Variants in ACSL4 observed in about 807,000 individuals in gnomAD.
The protein encoded by ACSL4 is acyl-CoA synthetase long chain family member 4, also known as long-chain-fatty-acid--CoA ligase 4.
ACSL4 carries 9 observed loss-of-function variants against 49.1 expected under a neutral mutation model. The observed-to-expected ratio is 0.18, with a 90% CI of 0.11 to 0.32. The LOEUF is 0.32. Ranked by LOEUF, ACSL4 falls within the 10% of genes least tolerant of loss-of-function variation. The pLI, the probability that ACSL4 is intolerant of heterozygous loss-of-function variation, is 1.00. For synonymous variants in ACSL4, 191 were observed against 170.3 expected, an observed-to-expected ratio of 1.12 and a Z score of -0.95; for missense variants, 333 against 493.7, an observed-to-expected ratio of 0.67 and a Z score of 3.08.
intron 11 of ACSL4, 82 bp from the exon 12 acceptor site, chrX:109,665,576 C>T: frequency 2.4e-6 from 2 of 842,159 alleles, no homozygotes; most frequent in African/African-American, 4.0e-5. Flanking sequence ...AGAGTTAGAA[C>T]CAGAGTCAGA....
intron 1 of ACSL4, among the ~76,000 whole-genome samples, chrX:109,696,691 A>G (rs1320661751): frequency 8.9e-6 from 1 of 112,641 alleles, no homozygotes; most frequent in East Asian, 2.8e-4. Context: ...AAACCTAAAT[A>G]TATTTCCATC....
intron 1 of ACSL4, among the ~76,000 whole-genome samples, chrX:109,710,484 A>C (rs1029914197): frequency 8.9e-6 from 1 of 112,258 alleles, no homozygotes; most frequent in Non-Finnish European, 1.9e-5. Context: ...TGCAACATTT[A>C]TAATCCAATT....
At chrX:109,667,191 CA>C (rs2147404216) in intron 11 of ACSL4, among the ~76,000 whole-genome samples, 1 of 111,730 alleles carries the variant, frequency 9.0e-6, no homozygotes, top group South Asian at 3.7e-4. Context: ...TAAGATTATC[CA>C]AAAAAACAAT....
At chrX:109,655,508 T>G (rs1393438470) in intron 15 of ACSL4, among the ~76,000 whole-genome samples, 1 of 110,327 alleles carries the variant, frequency 9.1e-6, no homozygotes, top group Non-Finnish European at 1.9e-5. Context: ...ATAATAAAAT[T>G]AGAGGATGAA....
rs148205499 is a variant in ACSL4 at position 109,663,400 on chromosome X, C to T, written c.1393G>A (p.Gly465Ser). The T allele has an allele frequency of 1.4e-5, 17 of 1,203,498 alleles. No homozygotes were observed. Among genetic ancestry groups the T allele is most frequent in the Non-Finnish European group, 1.8e-5 (16 of 889,564 alleles). ...TTTGGCTTGTCATTAATTGTATAAC[C>T]GCCTGGAAATCATAAAAGTAAATTA... ...EIKLKDWQEG[G>S]YTINDKPNPR... The change falls in exon 13 of 16, where the codon GGT becomes AGT. Residue 465 changes from glycine (G) to serine (S), a missense_variant and splice_region_variant. Physicochemically the swap from Gly to Ser is moderately conservative, Grantham distance 56 (BLOSUM62 0). Coordinates refer to ENST00000672401, the MANE Select transcript of ACSL4 (RefSeq NM_001318510.2).
intron 15 of ACSL4, among the ~76,000 whole-genome samples, chrX:109,657,899 T>C (rs1261756214): frequency 1.8e-5 from 2 of 111,854 alleles, no homozygotes; most frequent in Non-Finnish European, 3.8e-5. Context: ...GACTTTTTAA[T>C]GATTGCCATT....
In ACSL4 at chrX:109,641,989, A is replaced by T. The variant is rs1245451745; in HGVS notation, c.*2040T>A. The T allele has an allele frequency of 8.9e-6, 1 of 112,017 alleles. No homozygotes were observed. Among genetic ancestry groups the T allele is most frequent in the East Asian group, 2.8e-4 (1 of 3,603 alleles). The allele number at this position is 112,017 out of a possible 1,213,427, so 9.2% of individuals were successfully genotyped here. On this transcript the variant is annotated 3_prime_UTR_variant, in exon 16 of 16. Transcript: ENST00000672401. ...TAAACATGTATATTTTTAGATGGAA[A>T]ATCAAGGGGTAGTGGCATCTCCCTG...
chrX:109,689,891 C>T (rs1924914433), intron 2 of ACSL4, among the ~76,000 whole-genome samples: 1 of 111,893 alleles, frequency 8.9e-6, no homozygotes, highest in African/African-American at 3.3e-5. Flanking sequence ...TGGAACAGTG[C>T]CTCCGTGTGT....
At chrX:109,661,354 G>A (rs939836833) in intron 14 of ACSL4, among the ~76,000 whole-genome samples, 177 bp downstream of exon 14, 3 of 111,867 alleles carry the variant, frequency 2.7e-5, no homozygotes, top group Non-Finnish European at 5.7e-5. Context: ...ACACGTCTGA[G>A]TTATCTAAAA....
At chrX:109,720,189 G>C (rs1444306993) in intron 1 of ACSL4, among the ~76,000 whole-genome samples, 2 of 109,076 alleles carry the variant, frequency 1.8e-5, no homozygotes, top group Non-Finnish European at 3.8e-5. Context: ...AATTAGCTGG[G>C]CGTGGTGGCA....
chrX:109,706,277 G>C (rs1253697780), intron 1 of ACSL4, among the ~76,000 whole-genome samples: 1 of 112,112 alleles, frequency 8.9e-6, no homozygotes, highest in Non-Finnish European at 1.9e-5. Flanking sequence ...CATTAAGAAA[G>C]CACCCTATGT....
At chrX:109,687,707 C>T (rs770443684) in intron 2 of ACSL4, among the ~76,000 whole-genome samples, 2 of 111,826 alleles carry the variant, frequency 1.8e-5, no homozygotes, top group Non-Finnish European at 3.8e-5. Flanking sequence ...CACATGTATC[C>T]CAGAATTTAA....
intron 15 of ACSL4, among the ~76,000 whole-genome samples, chrX:109,654,407 T>C (rs1921454424): frequency 9.0e-6 from 1 of 111,384 alleles, no homozygotes; most frequent in Admixed American, 9.6e-5. Flanking sequence ...AGAAAAACAA[T>C]GGGTTGAAAT....
chrX:109,718,044 T>C (rs1318819117), intron 1 of ACSL4, among the ~76,000 whole-genome samples: 1 of 111,826 alleles, frequency 8.9e-6, no homozygotes, highest in Non-Finnish European at 1.9e-5. Context: ...ACTAAAGAGG[T>C]AGAAGTCATA....
chrX:109,682,564 T>C (rs891938478), intron 4 of ACSL4, among the ~76,000 whole-genome samples, 155 bp downstream of exon 4: 10 of 111,254 alleles, frequency 9.0e-5, no homozygotes, highest in African/African-American at 3.3e-4. Flanking sequence ...TCATCGGATA[T>C]CTTTTAGCCA....
intron 14 of ACSL4, among the ~76,000 whole-genome samples, chrX:109,659,879 C>CA (rs1350414119): frequency 2.7e-5 from 3 of 110,020 alleles, no homozygotes; most frequent in Non-Finnish European, 5.7e-5. Flanking sequence ...CAAAATGGAT[C>CA]AAAAATCTAA....
In ACSL4 at chrX:109,644,168, T is replaced by G. The variant is rs1224600735; in HGVS notation, c.1874A>C (p.Glu625Ala). 3 of 1,207,945 alleles carry G rather than the reference T, an allele frequency of 2.5e-6. No individual in the cohort carries two copies. The highest frequency in any genetic ancestry group is 3.4e-6 in the Non-Finnish European group (3 of 893,096). ...GCTTAATCGAACCTTGATTGGAATT[T>G]CAAATCGCTCCAATTTCACTGAAAT... ...AANAMKLERF[E>A]IPIKVRLSPE... Residue 625 changes from glutamate to alanine, a missense_variant, in exon 16 of 16, where the codon GAA becomes GCA. Transcript: ENST00000672401.
At chrX:109,721,360 G>A (rs1326397869) in intron 1 of ACSL4, among the ~76,000 whole-genome samples, 2 of 111,818 alleles carry the variant, frequency 1.8e-5, no homozygotes, top group African/African-American at 6.5e-5. Context: ...AGGAGAGTTG[G>A]TCGTACAAAA....
chrX:109,656,952 G>T (rs1474773785), intron 15 of ACSL4, among the ~76,000 whole-genome samples: 1 of 111,363 alleles, frequency 9.0e-6, no homozygotes, highest in African/African-American at 3.3e-5. Context: ...GTCTGCATGG[G>T]CATTGCTCTC....
Sources: gnomAD v4.1 joint callset for allele counts (sites outside exome capture counted in the v4.1 genomes callset) on GRCh38, gnomAD v4.1.1 for gene constraint, MANE v1.5 for transcripts, NCBI Gene and HGNC (gene_info 2026-07-23, HGNC 2026-07-21) for gene names.